The following MAML3 variants were observed in gnomAD, a reference collection of about 807,000 sequenced individuals.
MAML3 encodes the protein mastermind like transcriptional coactivator 3.
A neutral mutation model predicts 101.9 loss-of-function variants in MAML3; 27 were observed. The observed-to-expected ratio is 0.27, with a 90% confidence interval of 0.20 to 0.37. MAML3 has a LOEUF of 0.37. MAML3 is among the 10% of genes least tolerant of loss of function. The pLI is 1.00. For synonymous variants in MAML3, 501 were observed against 555.9 expected (o/e 0.90, Z 1.39); for missense variants, 1,316 against 1,444.9 (o/e 0.91, Z 1.45).
At chr4:139,974,775 C>T (rs749831475) in intron 1 of MAML3, among the ~76,000 whole-genome samples, 8 of 151,858 alleles carry the variant, frequency 5.3e-5, no homozygotes, top group Non-Finnish European at 7.4e-5. Flanking sequence ...ATAATCAATA[C>T]GATAGGAGGT....
At chr4:139,952,031 G>A (rs1394936401) in intron 1 of MAML3, among the ~76,000 whole-genome samples, 5 of 152,078 alleles carry the variant, frequency 3.3e-5, no homozygotes, top group South Asian at 2.1e-4. Context: ...CGTGTGTAGC[G>A]GCGGGTGCCT....
chr4:140,053,163 C>A (rs942757087), intron 1 of MAML3, among the ~76,000 whole-genome samples: 67 of 152,084 alleles, frequency 4.4e-4, no homozygotes, highest in African/African-American at 1.6e-3. Flanking sequence ...CAGCAGCCAC[C>A]GACAACTGGT....
intron 1 of MAML3, among the ~76,000 whole-genome samples, chr4:140,140,318 C>T (rs886784577): frequency 1.3e-5 from 2 of 151,096 alleles, no homozygotes; most frequent in Non-Finnish European, 2.9e-5. Flanking sequence ...GGTGAGATTC[C>T]GTCTCAAAAA....
chr4:140,107,579 A>G (rs977466245), intron 1 of MAML3, among the ~76,000 whole-genome samples: 2 of 149,700 alleles, frequency 1.3e-5, no homozygotes, highest in Non-Finnish European at 3.0e-5. Context: ...ATCTCGGCTC[A>G]CTGCAACCTC....
chr4:140,016,456 G>A (rs1473663992), intron 1 of MAML3, among the ~76,000 whole-genome samples: 1 of 152,162 alleles, frequency 6.6e-6, no homozygotes. Flanking sequence ...AAAATGCAAA[G>A]AGACTGATAT....
chr4:140,116,289 T>A (rs2111018059), intron 1 of MAML3, among the ~76,000 whole-genome samples: 1 of 152,310 alleles, frequency 6.6e-6, no homozygotes, highest in East Asian at 1.9e-4. Flanking sequence ...TTCTTTACCT[T>A]TTTTCATGTG....
intron 1 of MAML3, among the ~76,000 whole-genome samples, chr4:140,062,896 T>C (rs1727470813): frequency 6.6e-6 from 1 of 152,248 alleles, no homozygotes. Context: ...TGCTGGATAC[T>C]GAATTCTGGT....
At chr4:139,823,526 C>T (rs1015709021) in intron 2 of MAML3, among the ~76,000 whole-genome samples, 1 of 152,070 alleles carries the variant, frequency 6.6e-6, no homozygotes, top group Non-Finnish European at 1.5e-5. Flanking sequence ...GTTGGCATTC[C>T]TGGTCCTTGG....
At chr4:139,775,263 C>T (rs1730071497) in intron 2 of MAML3, among the ~76,000 whole-genome samples, 1 of 152,200 alleles carries the variant, frequency 6.6e-6, no homozygotes, top group Non-Finnish European at 1.5e-5. Flanking sequence ...AAACATTTTA[C>T]TGCCCTAAGC....
intron 1 of MAML3, chr4:140,134,412 T>C (rs1342757322): frequency 6.6e-6 from 3 of 456,518 alleles, no homozygotes; most frequent in African/African-American, 4.0e-5. Context: ...GGCATAGATG[T>C]TCCCCAACCC....
At chr4:139,839,469 A>ATTT in intron 2 of MAML3, among the ~76,000 whole-genome samples, 1 of 146,192 alleles carries the variant, frequency 6.8e-6, no homozygotes, top group Non-Finnish European at 1.5e-5. Flanking sequence ...AGTCCAACAG[A>ATTT]TTTTTTTTTT....
At position 139,856,394 on chromosome 4, in the gene MAML3, C is replaced by A. The variant is rs372751821; in HGVS notation, c.2079+32963G>T. ...TTGGAAAAAGGAGAACTACAAGGAC[C>A]TGCAATGTAGAGACCTGGACGGACA... is the stretch of plus-strand genomic sequence containing the variant. On this transcript the variant is annotated intron_variant, in intron 2 of 4. Transcript: ENST00000509479. 3.8e-4 allele frequency among the ~76,000 whole-genome samples: 58 copies of A among 152,290 alleles called. No individual in the cohort carries two copies. The South Asian group carries it at 7.5e-3, about 20-fold the overall frequency.
chr4:140,119,123 C>T (rs893642730), intron 1 of MAML3, among the ~76,000 whole-genome samples: 2 of 151,944 alleles, frequency 1.3e-5, no homozygotes, highest in Non-Finnish European at 2.9e-5. Flanking sequence ...GGTATATGGG[C>T]GTTTTCAGAA....
At chr4:139,897,439 A>T (rs1030726052) in intron 1 of MAML3, among the ~76,000 whole-genome samples, 4 of 152,172 alleles carry the variant, frequency 2.6e-5, no homozygotes, top group Non-Finnish European at 5.9e-5. Flanking sequence ...CATCAAAGGC[A>T]TGGGGTTCTG....
At chr4:139,747,372 G>T (rs534097452) in intron 2 of MAML3, among the ~76,000 whole-genome samples, 1 of 152,196 alleles carries the variant, frequency 6.6e-6, no homozygotes. Context: ...GTTAGAGAAT[G>T]AATTCTAGGG....
intron 1 of MAML3, among the ~76,000 whole-genome samples, chr4:140,105,150 C>A (rs183738913): frequency 1.8e-3 from 271 of 152,252 alleles, no homozygotes; most frequent in Non-Finnish European, 3.2e-3. Context: ...TCAAAGCCAC[C>A]ACCCCCATCA....
intron 1 of MAML3, among the ~76,000 whole-genome samples, chr4:139,922,814 A>G (rs1560837263): frequency 6.6e-6 from 1 of 152,234 alleles, no homozygotes; most frequent in Non-Finnish European, 1.5e-5. Context: ...ATCCTTGTCT[A>G]TTTCCTGAGG....
At chr4:139,914,003 A>T (rs567934186) in intron 1 of MAML3, among the ~76,000 whole-genome samples, 3 of 150,736 alleles carry the variant, frequency 2.0e-5, no homozygotes, top group Non-Finnish European at 3.0e-5. Context: ...CTACATTAAA[A>T]TTTTTTTTTT....
At chr4:139,907,643 G>A (rs1732843478) in intron 1 of MAML3, among the ~76,000 whole-genome samples, 1 of 152,194 alleles carries the variant, frequency 6.6e-6, no homozygotes, top group Admixed American at 6.5e-5. Context: ...GTTGAGCTGA[G>A]TGCAGAGGAT....
Sources: gnomAD v4.1 joint callset for allele counts (sites outside exome capture counted in the v4.1 genomes callset) on GRCh38, gnomAD v4.1.1 for gene constraint, MANE v1.5 for transcripts, NCBI Gene and HGNC (gene_info 2026-07-23, HGNC 2026-07-21) for gene names.